Variants in CADM2 observed in about 807,000 individuals in gnomAD.
CADM2 encodes the protein immunoglobulin superfamily member 4D.
CADM2 carries 12 observed loss-of-function variants against 49.8 expected under a neutral mutation model. The ratio of observed to expected loss-of-function variants is 0.24; its 90% CI spans 0.15 to 0.39. The LOEUF (loss-of-function observed/expected upper bound fraction) is 0.39. CADM2 is among the 10% of genes least tolerant of loss of function. The pLI, the probability that CADM2 is intolerant of heterozygous loss-of-function variation, is 1.00. For missense variants in CADM2, 378 were observed against 492.3 expected (o/e 0.77, Z 2.20); for synonymous variants, 214 against 175.4 (o/e 1.22, Z -1.74).
At chr3:85,601,356 T>G (rs1296419894) in intron 1 of CADM2, among the ~76,000 whole-genome samples, 1 of 150,696 alleles carries the variant, frequency 6.6e-6, no homozygotes, top group South Asian at 2.1e-4. Context: ...TTTTATAATT[T>G]TTATCAGATG....
chr3:85,084,409 AT>A (rs1559651865), intron 1 of CADM2, among the ~76,000 whole-genome samples: 1 of 152,160 alleles, frequency 6.6e-6, no homozygotes, highest in Admixed American at 6.5e-5. Context: ...TTCAGATCCA[AT>A]TATCACCTTG....
At chr3:85,218,983 T>C (rs763641032) in intron 1 of CADM2, among the ~76,000 whole-genome samples, 16 of 152,176 alleles carry the variant, frequency 1.1e-4, no homozygotes, top group Non-Finnish European at 1.9e-4. Flanking sequence ...TCTAAAGCCA[T>C]GATTGCCTCG....
intron 1 of CADM2, among the ~76,000 whole-genome samples, chr3:84,967,220 A>T (rs1477435195): frequency 2.6e-5 from 4 of 152,100 alleles, no homozygotes; most frequent in African/African-American, 9.6e-5. Context: ...GTAAGGAAAT[A>T]TTTTTACCTT....
At chr3:85,409,866 A>G (rs1269187806) in intron 1 of CADM2, among the ~76,000 whole-genome samples, 9 of 152,162 alleles carry the variant, frequency 5.9e-5, no homozygotes, top group Non-Finnish European at 1.0e-4. Context: ...ATTTCAGGAA[A>G]AAAACTCAAA....
At chr3:85,942,734 T>C (rs559911721) in intron 7 of CADM2, among the ~76,000 whole-genome samples, 1 of 152,036 alleles carries the variant, frequency 6.6e-6, no homozygotes, top group African/African-American at 2.4e-5. Context: ...CAGTCTATCA[T>C]TGTTGGACAT....
chr3:85,240,535 T>A (rs183220126), intron 1 of CADM2, among the ~76,000 whole-genome samples: 6 of 151,610 alleles, frequency 4.0e-5, no homozygotes, highest in Admixed American at 2.0e-4. Context: ...GTGATTAACA[T>A]GACAAAATGA....
chr3:85,316,069 T>G (rs2044458185), intron 1 of CADM2, among the ~76,000 whole-genome samples: 1 of 152,110 alleles, frequency 6.6e-6, no homozygotes, highest in South Asian at 2.1e-4. Flanking sequence ...TTAGTTTTTA[T>G]AAGACTGCAA....
At chr3:85,814,532 G>A (rs147805314) in intron 3 of CADM2, among the ~76,000 whole-genome samples, 16 of 152,192 alleles carry the variant, frequency 1.1e-4, no homozygotes, top group Non-Finnish European at 2.2e-4. Flanking sequence ...GAGCAGAACT[G>A]AAGGAGATAG....
intron 8 of CADM2, chr3:85,993,735 C>G (rs541175401): frequency 1.3e-5 from 2 of 152,084 alleles, no homozygotes; most frequent in South Asian, 4.2e-4. Context: ...TCCTTTAGAG[C>G]TCTTGGGTAA....
At chr3:85,762,887 G>A (rs1195776822) in intron 2 of CADM2, among the ~76,000 whole-genome samples, 1 of 151,308 alleles carries the variant, frequency 6.6e-6, no homozygotes, top group Non-Finnish European at 1.5e-5. Context: ...TTTAGATTTG[G>A]ACAAATTTAG....
chr3:85,193,953 C>T (rs1479052224), intron 1 of CADM2, among the ~76,000 whole-genome samples: 1 of 152,002 alleles, frequency 6.6e-6, no homozygotes, highest in East Asian at 1.9e-4. Flanking sequence ...TGTGGGGAGA[C>T]TGATGATAAT....
At chr3:85,876,282 T>C (rs548207353) in intron 3 of CADM2, among the ~76,000 whole-genome samples, 2 of 152,298 alleles carry the variant, frequency 1.3e-5, no homozygotes, top group Admixed American at 6.5e-5. Flanking sequence ...TAATGAATTA[T>C]AATGATAAAA....
intron 1 of CADM2, among the ~76,000 whole-genome samples, chr3:85,388,074 G>A (rs1371244247): frequency 6.6e-6 from 1 of 152,192 alleles, no homozygotes; most frequent in Non-Finnish European, 1.5e-5. Flanking sequence ...AGGGAACCAG[G>A]CTGCATTGCA....
intron 1 of CADM2, among the ~76,000 whole-genome samples, chr3:85,558,425 T>C (rs985243211): frequency 2.0e-5 from 3 of 152,084 alleles, no homozygotes; most frequent in African/African-American, 7.2e-5. Flanking sequence ...GAATGATTTT[T>C]TCAAAATGGC....
chr3:85,668,442 G>T (rs2065640712), intron 1 of CADM2, among the ~76,000 whole-genome samples: 1 of 151,960 alleles, frequency 6.6e-6, no homozygotes, highest in African/African-American at 2.4e-5. Context: ...GTTTGGCTGT[G>T]TCCCCACCCA....
chr3:85,186,162 T>C (rs1245331304), intron 1 of CADM2, among the ~76,000 whole-genome samples: 1 of 152,180 alleles, frequency 6.6e-6, no homozygotes, highest in Non-Finnish European at 1.5e-5. Flanking sequence ...TCCTGACACA[T>C]AGTAGATCCT....
intron 8 of CADM2, among the ~76,000 whole-genome samples, chr3:85,981,620 G>C (rs1415880267): frequency 6.6e-6 from 1 of 151,524 alleles, no homozygotes; most frequent in African/African-American, 2.4e-5. Flanking sequence ...TTGGTTTTCT[G>C]TTCCACATTA....
At chr3:85,500,715 C>G (rs1250636569) in intron 1 of CADM2, among the ~76,000 whole-genome samples, 1 of 152,018 alleles carries the variant, frequency 6.6e-6, no homozygotes, top group Non-Finnish European at 1.5e-5. Flanking sequence ...GATGAGGTTT[C>G]CCCGTGTTAG....
chr3:85,809,700 CTTCCTTCCTTCCTTCCTTCG>C (rs1393360681), intron 3 of CADM2, among the ~76,000 whole-genome samples: 8 of 127,828 alleles, frequency 6.3e-5, no homozygotes, highest in South Asian at 2.8e-4. Context: ...TCCTTCCTTC[CTTCCTTCCTTCCTTCCTTCG>C]TTCCTTCCCT....
Sources: allele counts gnomAD v4.1 joint callset (sites outside exome capture counted in the v4.1 genomes callset), GRCh38; gene constraint gnomAD v4.1.1; transcripts MANE v1.5; gene names NCBI Gene and HGNC (gene_info 2026-07-23, HGNC 2026-07-21).